The following SLC24A4 variants were observed in gnomAD, a reference collection of about 807,000 sequenced individuals.
SLC24A4 encodes the protein sodium/potassium/calcium exchanger 4.
In SLC24A4, 53 loss-of-function variants were observed where a neutral mutation model predicts 79.0. The ratio of observed to expected loss-of-function variants is 0.67; its 90% CI spans 0.54 to 0.84. SLC24A4 has a LOEUF of 0.84. SLC24A4 is among the 40% of genes least tolerant of loss of function. The pLI, the probability that SLC24A4 is intolerant of heterozygous loss-of-function variation, is 0.00. For missense variants in SLC24A4, 731 were observed against 822.0 expected (o/e 0.89, Z 1.35); for synonymous variants, 323 against 323.8 (o/e 1.00, Z 0.03).
chr14:92,394,452 A>G (rs927843361), intron 2 of SLC24A4, among the ~76,000 whole-genome samples: 1 of 152,148 alleles, frequency 6.6e-6, no homozygotes, highest in Non-Finnish European at 1.5e-5. Context: ...AAAAGTTAAA[A>G]AAATTAGCTG....
At chr14:92,466,699 G>T (rs896528162) in intron 12 of SLC24A4, among the ~76,000 whole-genome samples, 1 of 152,204 alleles carries the variant, frequency 6.6e-6, no homozygotes, top group Admixed American at 6.5e-5. Context: ...TAATCTGACA[G>T]TTGACACCTG....
chr14:92,465,917 T>C (rs1894087959), intron 12 of SLC24A4, among the ~76,000 whole-genome samples: 1 of 152,184 alleles, frequency 6.6e-6, no homozygotes, highest in East Asian at 1.9e-4. Context: ...TTTCCTCACA[T>C]CATCCCTTTC....
At chr14:92,377,657 C>G (rs113647693) in intron 2 of SLC24A4, among the ~76,000 whole-genome samples, 1 of 152,198 alleles carries the variant, frequency 6.6e-6, no homozygotes, top group East Asian at 1.9e-4. Context: ...AGATGGAGAG[C>G]GACAGGGTCA....
chr14:92,381,217 G>A (rs1212856823), intron 2 of SLC24A4, among the ~76,000 whole-genome samples: 9 of 152,148 alleles, frequency 5.9e-5, no homozygotes, highest in Non-Finnish European at 8.8e-5. Context: ...TAAAGAAAAC[G>A]TGGCACATAT....
At position 92,486,679 on chromosome 14, in the gene SLC24A4, G is replaced by T. The variant is rs773528782; in HGVS notation, c.1436G>T (p.Gly479Val). 6.2e-7 allele frequency: 1 copy of T among 1,613,692 alleles called. No individual in the cohort carries two copies. The highest frequency in any genetic ancestry group is 1.1e-5 in the South Asian group (1 of 91,058). ...CACATTCTGCAGGTGACTATTATCG[G>T]ATACACACTTGGGATCCCGGATGTC... ...YIMVWLVTII[G>V]YTLGIPDVIM... The change falls in exon 14 of 17, where the codon GGA (glycine) becomes GTA (valine). Residue 479 changes from glycine to valine, a missense_variant. Physicochemically the swap from Gly to Val is moderately radical, Grantham distance 109. Transcript: ENST00000532405.
chr14:92,382,975 A>T (rs1266647769), intron 2 of SLC24A4, among the ~76,000 whole-genome samples: 5 of 152,180 alleles, frequency 3.3e-5, no homozygotes, highest in African/African-American at 1.2e-4. Flanking sequence ...TCCAGCAGTG[A>T]GGCTGTTGGC....
chr14:92,447,786 TA>T (rs1475876512), intron 9 of SLC24A4, among the ~76,000 whole-genome samples: 3 of 152,170 alleles, frequency 2.0e-5, no homozygotes, highest in African/African-American at 7.2e-5. Context: ...TCTGATAATT[TA>T]ATACCACTCT....
In SLC24A4 at chr14:92,447,372, T is replaced by A; in HGVS notation, c.685T>A (p.Trp229Arg). Residue 229 changes from tryptophan to arginine, a missense_variant and splice_region_variant, in exon 9 of 17, where the codon TGG (tryptophan) becomes AGG (arginine). Transcript: ENST00000532405. ...CGCAATCTCCTTTCTCTCTTTGAGG[T>A]GGGAAGGCCTGGTGCTCATCATCTT... ...VFIYDEQIVW[W>R]EGLVLIILYV... 6.2e-7 allele frequency: 1 copy of A among 1,614,034 alleles called. No homozygotes were observed. Among genetic ancestry groups the A allele is most frequent in the Non-Finnish European group, 8.5e-7 (1 of 1,179,966 alleles).
Position 92,439,175 on chromosome 14 carries a change from G to A in SLC24A4, c.319-160G>A, listed in dbSNP as rs193076778. ...CTCAGTTTCCCCATTTGCCAATAAG[G>A]GGATTGAGGGAACGAAATCTATGGT... On this transcript the variant is annotated intron_variant, in intron 3 of 16. Transcript: ENST00000532405. Among the ~76,000 whole-genome samples the A allele has an allele frequency of 5.6e-3, 852 of 152,278 alleles. 10 individuals are homozygous for A. Among genetic ancestry groups the A allele is most frequent in the African/African-American group, 0.019 (795 of 41,550 alleles).
intron 2 of SLC24A4, among the ~76,000 whole-genome samples, chr14:92,361,394 G>A (rs8009283): frequency 0.021 from 3,181 of 151,896 alleles, 102 homozygotes; most frequent in African/African-American, 0.073. Context: ...CAAAGGAGGG[G>A]GCAGCTTGAT....
At chr14:92,376,702 C>T (rs554001469) in intron 2 of SLC24A4, among the ~76,000 whole-genome samples, 5 of 152,214 alleles carry the variant, frequency 3.3e-5, no homozygotes, top group African/African-American at 7.2e-5. Flanking sequence ...GCTTAAACCT[C>T]GTTTAGCTCA....
At chr14:92,449,326 T>C (rs1013151845) in intron 10 of SLC24A4, 110 bp downstream of exon 10, 7 of 1,191,458 alleles carry the variant, frequency 5.9e-6, no homozygotes, top group Admixed American at 4.8e-5. Context: ...ACACACACCC[T>C]CTCACAATGT....
chr14:92,398,659 A>ACCCCT lies in SLC24A4; in HGVS notation c.242-35252_242-35248dup, dbSNP rs1302290203. Among the ~76,000 whole-genome samples, 2 of 151,898 alleles carry ACCCCT rather than the reference A, an allele frequency of 1.3e-5. No homozygotes were observed. Among genetic ancestry groups the ACCCCT allele is most frequent in the East Asian group, 3.9e-4 (2 of 5,190 alleles). ...TCCCACCTGGCATGGCTCAGAACAT[A>ACCCCT]CCCCTTCCTCGTGTTAGCCAAAGCG... is the stretch of plus-strand genomic sequence containing the variant. On this transcript the variant is annotated intron_variant, in intron 2 of 16. Transcript: ENST00000532405. The surrounding 1 kb of genome is among the most constrained non-coding windows in gnomAD (Gnocchi z 4.1).
At chr14:92,405,593 G>C (rs890279987) in intron 2 of SLC24A4, among the ~76,000 whole-genome samples, 1 of 152,274 alleles carries the variant, frequency 6.6e-6, no homozygotes, top group Middle Eastern at 3.4e-3. Context: ...GCATGACTGG[G>C]AGGCCTAAGG....
At chr14:92,474,103 A>C (rs1247154569) in intron 12 of SLC24A4, among the ~76,000 whole-genome samples, 14 of 152,168 alleles carry the variant, frequency 9.2e-5, no homozygotes, top group Admixed American at 9.2e-4. Flanking sequence ...TTTCCTGGTG[A>C]TCTGGTCTCT....
intron 12 of SLC24A4, among the ~76,000 whole-genome samples, chr14:92,481,015 C>T (rs545455517): frequency 2.0e-5 from 3 of 152,314 alleles, no homozygotes; most frequent in Non-Finnish European, 4.4e-5. Context: ...CCCTAGGTTC[C>T]TGGATCCAAT....
At chr14:92,370,275 A>G (rs937681300) in intron 2 of SLC24A4, among the ~76,000 whole-genome samples, 1 of 152,212 alleles carries the variant, frequency 6.6e-6, no homozygotes, top group Admixed American at 6.5e-5. Flanking sequence ...AGATTTAGGA[A>G]CAGGAGATGC....
At chr14:92,326,468 G>T (rs1252384566) in intron 2 of SLC24A4, among the ~76,000 whole-genome samples, 1 of 149,778 alleles carries the variant, frequency 6.7e-6, no homozygotes, top group Non-Finnish European at 1.5e-5. Flanking sequence ...ATGGGAGTCG[G>T]CACGGTGTCA....
chr14:92,408,166 AGTGT>A (rs143375295), intron 2 of SLC24A4, among the ~76,000 whole-genome samples: 2,007 of 136,788 alleles, frequency 0.015, 28 homozygotes, highest in East Asian at 0.038. Context: ...TTGCTACAGC[AGTGT>A]GTGTGTGTGT....
Sources: gnomAD v4.1 joint callset for allele counts (sites outside exome capture counted in the v4.1 genomes callset) on GRCh38, gnomAD v4.1.1 for gene constraint, Gnocchi (gnomAD v3.1) non-coding constraint, MANE v1.5 for transcripts, NCBI Gene and HGNC (gene_info 2026-07-23, HGNC 2026-07-21) for gene names.